NHSL1: variants seen among roughly 807,000 people sequenced by gnomAD.
NHSL1 encodes the protein NHS like 1, also known as NHS-like protein 1.
Under a neutral mutation model 95.0 loss-of-function variants are expected in NHSL1, and 48 were observed. The observed-to-expected ratio is 0.51, with a 90% confidence interval of 0.40 to 0.64. The LOEUF (loss-of-function observed/expected upper bound fraction) is 0.64. Among genes scored for constraint, NHSL1 ranks in the 30% least tolerant of loss-of-function variants. The pLI, the probability that NHSL1 is intolerant of heterozygous loss-of-function variation, is 0.00. For synonymous variants in NHSL1, 783 were observed against 833.9 expected (o/e 0.94, Z 1.05); for missense variants, 1,971 against 2,077.7 (o/e 0.95, Z 1.00).
chr6:138,432,528 C>A lies in NHSL1; in HGVS notation c.1817G>T (p.Gly606Val). 16 of 1,552,156 alleles carry A rather than the reference C, an allele frequency of 1.0e-5. No homozygotes were observed. The highest frequency in any genetic ancestry group is 1.3e-5 in the Non-Finnish European group (15 of 1,147,070). ...AGSLYSEDHDGYCASVHTDSG... is the reference protein window; with the variant it reads ...AGSLYSEDHDVYCASVHTDSG... ...GTCAGTGTGCACAGATGCACAGTAG[C>A]CATCGTGGTCCTCAGAATACAGCGA... Residue 606 changes from glycine (G) to valine (V), a missense_variant, in exon 6 of 8, where the codon GGC (glycine) becomes GTC (valine). Coordinates refer to ENST00000343505, the MANE Select transcript of NHSL1 (RefSeq NM_001144060.2). The surrounding 1 kb of genome is among the most constrained non-coding windows in gnomAD (Gnocchi z 4.4).
At chr6:138,549,208 A>G (rs1315169779), upstream of NHSL1, among the ~76,000 whole-genome samples, 1 of 152,064 alleles carries the variant, frequency 6.6e-6, no homozygotes, top group Non-Finnish European at 1.5e-5. Flanking sequence ...ACATGGAGAA[A>G]CCCTGTCTCT....
chr6:138,575,960 C>CATTTATTTATTTATTTATTT (rs10626397), upstream of NHSL1, among the ~76,000 whole-genome samples: 9 of 144,646 alleles, frequency 6.2e-5, no homozygotes, highest in African/African-American at 1.8e-4. Flanking sequence ...AAAATCCCTA[C>CATTTATTTATTTATTTATTT]ATTTATTTAT....
chr6:138,660,937 CA>C (rs1166785065), intron 1 of NHSL1, among the ~76,000 whole-genome samples: 1 of 152,156 alleles, frequency 6.6e-6, no homozygotes, highest in Non-Finnish European at 1.5e-5. Context: ...ACTAAAACTA[CA>C]AAAATTAGCT....
upstream of NHSL1, among the ~76,000 whole-genome samples, chr6:138,547,404 A>C (rs1186646114): frequency 1.3e-5 from 2 of 150,542 alleles, no homozygotes; most frequent in East Asian, 3.9e-4. Flanking sequence ...TTCCCCTGAG[A>C]GGGTCTCACT....
chr6:138,651,016 G>A (rs1413229085), intron 1 of NHSL1: 8 of 437,664 alleles, frequency 1.8e-5, no homozygotes, highest in African/African-American at 8.2e-5. Flanking sequence ...AAGCAAGTTC[G>A]ATCTCATCGT....
intron 1 of NHSL1, among the ~76,000 whole-genome samples, chr6:138,622,371 G>A (rs963401249): frequency 6.6e-6 from 1 of 152,032 alleles, no homozygotes; most frequent in African/African-American, 2.4e-5. Context: ...GGGCGTGGCC[G>A]CATGCGCCTG....
At chr6:138,674,313 TTG>T (rs1408369095) in intron 1 of NHSL1, among the ~76,000 whole-genome samples, 3 of 152,174 alleles carry the variant, frequency 2.0e-5, no homozygotes, top group Non-Finnish European at 4.4e-5. Context: ...GGTTATTTTA[TTG>T]TGTGTTTTTT....
chr6:138,539,570 A>C (rs1782498239), intron 1 of NHSL1, among the ~76,000 whole-genome samples: 1 of 152,208 alleles, frequency 6.6e-6, no homozygotes, highest in African/African-American at 2.4e-5. Flanking sequence ...GAGGACAGCT[A>C]AGGTGAGGTA....
intron 1 of NHSL1, among the ~76,000 whole-genome samples, chr6:138,497,692 G>A (rs1780437461): frequency 6.6e-6 from 1 of 152,142 alleles, no homozygotes; most frequent in South Asian, 2.1e-4. Context: ...GTTGTGGCAG[G>A]AACAGTAAAA....
chr6:138,467,995 A>G (rs1328842388), intron 3 of NHSL1, among the ~76,000 whole-genome samples: 1 of 152,044 alleles, frequency 6.6e-6, no homozygotes, highest in Admixed American at 6.6e-5. Context: ...CAATCCTCCC[A>G]CCTTGGCCTC....
chr6:138,446,240 T>C (rs1776857668), intron 4 of NHSL1, among the ~76,000 whole-genome samples: 1 of 151,966 alleles, frequency 6.6e-6, no homozygotes, highest in African/African-American at 2.4e-5. Flanking sequence ...TTTCACCACG[T>C]TGGCCAGGCT....
chr6:138,671,946 G>T (rs1010362506), intron 1 of NHSL1, among the ~76,000 whole-genome samples: 1 of 68,938 alleles, frequency 1.5e-5, no homozygotes, highest in Non-Finnish European at 2.4e-5. Context: ...ATACCTATAG[G>T]GGGGTGGGTT....
chr6:138,490,406 C>T (rs1275458737), intron 2 of NHSL1, among the ~76,000 whole-genome samples: 1 of 152,070 alleles, frequency 6.6e-6, no homozygotes, highest in Non-Finnish European at 1.5e-5. Context: ...CTCAGGGACC[C>T]ACGTGCTCTA....
At chr6:138,512,317 T>C (rs1281514509) in intron 1 of NHSL1, 1 of 455,956 alleles carries the variant, frequency 2.2e-6, no homozygotes, top group South Asian at 1.6e-5. Context: ...GGTCACAGAC[T>C]CCAGACAATA....
At chr6:138,652,466 A>G (rs1355613917) in intron 1 of NHSL1, among the ~76,000 whole-genome samples, 2 of 151,882 alleles carry the variant, frequency 1.3e-5, no homozygotes, top group Non-Finnish European at 2.9e-5. Flanking sequence ...AAATTAAGGT[A>G]TGGCTATATC....
At chr6:138,480,758 T>C (rs1779371724) in intron 2 of NHSL1, among the ~76,000 whole-genome samples, 2 of 152,238 alleles carry the variant, frequency 1.3e-5, no homozygotes, top group South Asian at 4.1e-4. Flanking sequence ...CATGATGTAC[T>C]GCTTCAGTGA....
At chr6:138,629,381 C>CT (rs1215071709) in intron 1 of NHSL1, among the ~76,000 whole-genome samples, 2 of 138,822 alleles carry the variant, frequency 1.4e-5, no homozygotes, top group Non-Finnish European at 1.6e-5. Context: ...TTCTTTCTTT[C>CT]TTTCTTTCTT....
At chr6:138,663,452 G>A (rs376100061) in intron 1 of NHSL1, among the ~76,000 whole-genome samples, 17 of 151,418 alleles carry the variant, frequency 1.1e-4, no homozygotes, top group South Asian at 2.1e-4. Context: ...TCAGCTACGC[G>A]GGAGGCTAAA....
chr6:138,609,323 G>T (rs951186325), intron 1 of NHSL1, among the ~76,000 whole-genome samples: 4 of 152,134 alleles, frequency 2.6e-5, no homozygotes, highest in Non-Finnish European at 5.9e-5. Flanking sequence ...ACGCAGAGTC[G>T]AGGCTGCTTG....
Sources: gnomAD v4.1 joint callset for allele counts (sites outside exome capture counted in the v4.1 genomes callset) on GRCh38, gnomAD v4.1.1 for gene constraint, Gnocchi (gnomAD v3.1) non-coding constraint, MANE v1.5 for transcripts, NCBI Gene and HGNC (gene_info 2026-07-23, HGNC 2026-07-21) for gene names.